The following DCC variants were observed in gnomAD, a reference collection of about 807,000 sequenced individuals.
DCC encodes the protein netrin receptor DCC.
A neutral mutation model predicts 172.5 loss-of-function variants in DCC; 58 were observed. The ratio of observed to expected loss-of-function variants is 0.34; its 90% confidence interval spans 0.27 to 0.42. The LOEUF (loss-of-function observed/expected upper bound fraction) is 0.42, where lower values mean the gene tolerates loss of function less well. Among genes scored for constraint, DCC ranks in the 10% least tolerant of loss-of-function variants. DCC has a pLI of 1.00. For synonymous variants in DCC, 709 were observed against 644.5 expected, an observed-to-expected ratio of 1.10 and a Z score of -1.52; for missense variants, 1,740 against 1,791.0, an observed-to-expected ratio of 0.97 and a Z score of 0.51.
intron 8 of DCC, among the ~76,000 whole-genome samples, chr18:53,168,607 A>C (rs1034603710): frequency 1.3e-5 from 2 of 151,808 alleles, no homozygotes; most frequent in African/African-American, 2.4e-5. Flanking sequence ...TATTAGGAGA[A>C]ATACCTAATG....
chr18:53,109,442 T>C (rs939940477), intron 7 of DCC, among the ~76,000 whole-genome samples: 19 of 151,668 alleles, frequency 1.3e-4, no homozygotes, highest in Admixed American at 1.1e-3. Flanking sequence ...TATTTTATAG[T>C]TTTCTGTGTG....
At chr18:53,004,986 C>T (rs2143856389) in intron 5 of DCC, among the ~76,000 whole-genome samples, 1 of 152,230 alleles carries the variant, frequency 6.6e-6, no homozygotes. Context: ...AAATGTTGCC[C>T]TCTTGAGACT....
At chr18:52,887,390 A>C (rs577140626) in intron 2 of DCC, among the ~76,000 whole-genome samples, 2 of 152,144 alleles carry the variant, frequency 1.3e-5, no homozygotes, top group East Asian at 3.9e-4. Context: ...GTGCTGCCTA[A>C]TGCTTTATAT....
At chr18:53,114,045 C>T (rs898203027) in intron 7 of DCC, among the ~76,000 whole-genome samples, 1 of 151,394 alleles carries the variant, frequency 6.6e-6, no homozygotes, top group African/African-American at 2.4e-5. Flanking sequence ...TGAAGATAGA[C>T]TATAAATTAC....
rs2040229009 is a variant in DCC, at chr18:52,927,166, T to TGTGTATATAC, written c.985+1805_985+1806insCGTGTATATA. Among the ~76,000 whole-genome samples, 2 of 69,896 alleles carry TGTGTATATAC rather than the reference T, an allele frequency of 2.9e-5. 1 individual carries two copies. Among genetic ancestry groups the TGTGTATATAC allele is most frequent in the African/African-American group, 1.0e-4 (2 of 19,846 alleles). The allele number at this position is 69,896 out of a possible 152,430, so 45.9% of individuals were successfully genotyped here. On this transcript the variant is annotated intron_variant, in intron 5 of 28. Coordinates refer to ENST00000442544, the MANE Select transcript of DCC (RefSeq NM_005215.4). The stretch of plus-strand genomic sequence containing the variant: ...ATATATGTGTATATATACGTATATA[T>TGTGTATATAC]GTGTATATATGTGTATATATACGTA...
Position 52,340,715 on chromosome 18 carries a change from T to TGCGTGTGTGAGTGC in DCC, c.-72_-59dup. 2 of 1,038,468 alleles carry TGCGTGTGTGAGTGC rather than the reference T, an allele frequency of 1.9e-6. No homozygotes were observed. Among genetic ancestry groups the TGCGTGTGTGAGTGC allele is most frequent in the Non-Finnish European group, 3.1e-6 (2 of 655,206 alleles). 64.3% of individuals were successfully genotyped at this position (1,038,468 alleles called of 1,614,324 possible). A position where few individuals can be genotyped will look rare whatever the true frequency, so the allele number is the denominator to read the frequency against. ...CGGCGCGTGTGTGTGCATGTGTGCA[T>TGCGTGTGTGAGTGC]GCGTGTGTGAGTGCATGTGTGTGAG... On this transcript the variant is annotated 5_prime_UTR_variant, in exon 1 of 29. An upstream open reading frame in the 5' UTR gains an earlier in-frame stop. Transcript: ENST00000442544.
At chr18:53,122,393 A>T (rs1166889151) in intron 7 of DCC, among the ~76,000 whole-genome samples, 1 of 151,992 alleles carries the variant, frequency 6.6e-6, no homozygotes, top group Admixed American at 6.6e-5. Flanking sequence ...TCAAAAGGGG[A>T]ACCAGAATTT....
chr18:52,709,362 C>T (rs192185537), intron 1 of DCC, among the ~76,000 whole-genome samples: 195 of 152,136 alleles, frequency 1.3e-3, no homozygotes, highest in Admixed American at 2.3e-3. Context: ...ATTTTGAAAA[C>T]GTTATATTAA....
At chr18:52,544,579 G>A (rs906424312) in intron 1 of DCC, among the ~76,000 whole-genome samples, 12 of 152,078 alleles carry the variant, frequency 7.9e-5, no homozygotes, top group Non-Finnish European at 1.6e-4. Context: ...TGGGGCTGTA[G>A]TTCACACCCC....
chr18:52,870,281 G>A (rs1228338320), intron 2 of DCC, among the ~76,000 whole-genome samples: 1 of 152,170 alleles, frequency 6.6e-6, no homozygotes, highest in Admixed American at 6.5e-5. Flanking sequence ...GGTGGGGGCT[G>A]TGCAGTCAGC....
intron 5 of DCC, among the ~76,000 whole-genome samples, chr18:52,975,550 C>A (rs530102555): frequency 6.6e-6 from 1 of 152,220 alleles, no homozygotes; most frequent in African/African-American, 2.4e-5. Flanking sequence ...TGTGTTTTCC[C>A]TTTGATGTGT....
chr18:52,761,379 C>T (rs142514102), intron 2 of DCC, among the ~76,000 whole-genome samples: 111 of 152,242 alleles, frequency 7.3e-4, no homozygotes, highest in Non-Finnish European at 1.4e-3. Flanking sequence ...TCATATCAGT[C>T]ATTATGCCTA....
In DCC at chr18:53,132,391, C is replaced by T. The variant is rs575601262; in HGVS notation, c.1262-24965C>T. Among the ~76,000 whole-genome samples the T allele has an allele frequency of 2.1e-4, 32 of 152,118 alleles. No individual in the cohort carries two copies. The South Asian group carries it at 3.3e-3, about 16-fold the overall frequency. ...GCTGTAGGCTTGCTCCAGCACACTG[C>T]GGAAGCTATCAGACATTCACATTTC... On this transcript the variant is annotated intron_variant, in intron 7 of 28. Coordinates refer to ENST00000442544, the MANE Select transcript of DCC (RefSeq NM_005215.4).
intron 1 of DCC, among the ~76,000 whole-genome samples, chr18:52,650,856 T>A (rs1269949209): frequency 2.6e-5 from 4 of 152,214 alleles, no homozygotes; most frequent in Admixed American, 2.0e-4. Flanking sequence ...TTGTTGTCTG[T>A]TTCATGTTTA....
At chr18:53,017,935 C>T (rs575805966) in intron 5 of DCC, among the ~76,000 whole-genome samples, 30 of 152,130 alleles carry the variant, frequency 2.0e-4, no homozygotes, top group Admixed American at 3.9e-4. Context: ...TTCTTAATTC[C>T]TAAGTTTAGA....
At chr18:52,817,413 T>C (rs947089313) in intron 2 of DCC, among the ~76,000 whole-genome samples, 3 of 152,146 alleles carry the variant, frequency 2.0e-5, no homozygotes, top group Admixed American at 6.5e-5. Flanking sequence ...TCAGTAGTCA[T>C]CTTTATAGAA....
chr18:53,217,106 T>C (rs2144582333), intron 12 of DCC, among the ~76,000 whole-genome samples: 1 of 152,270 alleles, frequency 6.6e-6, no homozygotes, highest in Admixed American at 6.5e-5. Flanking sequence ...TGTGTGTTCA[T>C]ACCCTTTAAG....
At chr18:52,835,914 A>T (rs1444706352) in intron 2 of DCC, among the ~76,000 whole-genome samples, 9 of 152,356 alleles carry the variant, frequency 5.9e-5, no homozygotes, top group Admixed American at 2.0e-4. Context: ...TGTTTACTCC[A>T]TTCTTATGCT....
At chr18:52,789,315 G>A (rs1598803901) in intron 2 of DCC, among the ~76,000 whole-genome samples, 2 of 152,032 alleles carry the variant, frequency 1.3e-5, no homozygotes, top group African/African-American at 4.8e-5. Flanking sequence ...GGAGTTCCAG[G>A]CTACCAGAAG....
Sources: allele counts gnomAD v4.1 joint callset (sites outside exome capture counted in the v4.1 genomes callset), GRCh38; gene constraint gnomAD v4.1.1; transcripts MANE v1.5; gene names NCBI Gene and HGNC (gene_info 2026-07-23, HGNC 2026-07-21).